HIPK2: variants seen among roughly 807,000 people sequenced by gnomAD.
HIPK2 encodes homeodomain-interacting protein kinase 2.
HIPK2 carries 27 observed loss-of-function variants against 113.7 expected under a neutral mutation model. That is an observed-to-expected ratio of 0.24 (90% CI 0.17 to 0.33). HIPK2 has a LOEUF of 0.33. Among genes scored for constraint, HIPK2 ranks in the 10% least tolerant of loss-of-function variants. HIPK2 has a pLI of 1.00. For synonymous variants in HIPK2, 631 were observed against 642.2 expected (o/e 0.98, Z 0.26); for missense variants, 1,257 against 1,588.0 (o/e 0.79, Z 3.54).
intron 1 of HIPK2, among the ~76,000 whole-genome samples, chr7:139,767,260 A>G: frequency 6.6e-6 from 1 of 152,242 alleles, no homozygotes; most frequent in East Asian, 1.9e-4. Flanking sequence ...TGTTGTAACA[A>G]GCCCTCCAGA....
intron 1 of HIPK2, among the ~76,000 whole-genome samples, chr7:139,733,093 T>A (rs1330199262): frequency 6.6e-6 from 1 of 152,134 alleles, no homozygotes; most frequent in South Asian, 2.1e-4. Context: ...GCTCTGGCCA[T>A]GTGAAAGGCT....
intron 2 of HIPK2, among the ~76,000 whole-genome samples, chr7:139,695,944 A>C (rs1794554382): frequency 6.6e-6 from 1 of 152,192 alleles, no homozygotes; most frequent in African/African-American, 2.4e-5. Context: ...GTGTCCAATA[A>C]ATGTTTCCTG....
intron 1 of HIPK2, among the ~76,000 whole-genome samples, chr7:139,747,953 C>T (rs928460494): frequency 1.3e-5 from 2 of 152,132 alleles, no homozygotes; most frequent in East Asian, 1.9e-4. Flanking sequence ...GAGGGTGGAC[C>T]GAGAGAGACA....
At chr7:139,706,304 C>T (rs960538186) in intron 2 of HIPK2, among the ~76,000 whole-genome samples, 2 of 152,138 alleles carry the variant, frequency 1.3e-5, no homozygotes, top group Non-Finnish European at 2.9e-5. Context: ...CGGAAGCGGG[C>T]GGCCCCTGTG....
intron 12 of HIPK2, 131 bp from the exon 13 acceptor site, chr7:139,584,195 T>C: frequency 8.0e-7 from 1 of 1,247,944 alleles, no homozygotes; most frequent in African/African-American, 1.5e-5. Context: ...TTGCCCTCCC[T>C]AACCCCCATA....
chr7:139,562,121 CATTT>C lies in HIPK2; in HGVS notation c.*10802_*10805del, dbSNP rs1464457321. The C allele has an allele frequency of 6.6e-6, 1 of 152,084 alleles. No homozygotes were observed. The allele number at this position is 152,084 out of a possible 1,614,324, so 9.4% of individuals were successfully genotyped here. ...TTGTCTTTAAAAAAACAAAAGTAGA[CATTT>C]ATAAATAAAAAAGAGGGACAATTCA... On this transcript the variant is annotated 3_prime_UTR_variant, in exon 15 of 15. Transcript: ENST00000406875.
At chr7:139,634,071 A>T (rs1404755367) in intron 2 of HIPK2, among the ~76,000 whole-genome samples, 1 of 151,564 alleles carries the variant, frequency 6.6e-6, no homozygotes, top group African/African-American at 2.4e-5. Flanking sequence ...GATTTGCACC[A>T]TTGCACTCCA....
chr7:139,733,997 G>A (rs1378130869), intron 1 of HIPK2, among the ~76,000 whole-genome samples: 1 of 152,188 alleles, frequency 6.6e-6, no homozygotes, highest in African/African-American at 2.4e-5. Flanking sequence ...TCTGTTGTTT[G>A]TTACTGCTGT....
intron 1 of HIPK2, among the ~76,000 whole-genome samples, chr7:139,736,919 A>C (rs1490802656): frequency 2.0e-5 from 3 of 152,178 alleles, no homozygotes; most frequent in African/African-American, 7.2e-5. Context: ...CAAGCCACAC[A>C]GGCCCAGCGC....
chr7:139,579,856 G>C (rs1023606950), intron 13 of HIPK2, among the ~76,000 whole-genome samples: 8 of 152,084 alleles, frequency 5.3e-5, no homozygotes, highest in African/African-American at 1.9e-4. Context: ...GGAATCCCTC[G>C]AGTAGGTACG....
chr7:139,708,942 G>A (rs59659246), intron 2 of HIPK2, among the ~76,000 whole-genome samples: 2,021 of 152,196 alleles, frequency 0.013, 43 homozygotes, highest in African/African-American at 0.047. Context: ...GTGTGAAGAG[G>A]GGACTGCAGT....
chr7:139,696,544 C>T (rs1222560720), intron 2 of HIPK2, among the ~76,000 whole-genome samples: 1 of 149,862 alleles, frequency 6.7e-6, no homozygotes, highest in African/African-American at 2.5e-5. Flanking sequence ...GAGTGCACCA[C>T]TATACTTTAG....
At chr7:139,736,981 G>A (rs1243542602) in intron 1 of HIPK2, among the ~76,000 whole-genome samples, 1 of 152,194 alleles carries the variant, frequency 6.6e-6, no homozygotes, top group African/African-American at 2.4e-5. Flanking sequence ...TAGAAACTCT[G>A]TTGCCATCTT....
intron 2 of HIPK2, among the ~76,000 whole-genome samples, chr7:139,702,352 A>T (rs1323089795): frequency 3.9e-5 from 6 of 152,172 alleles, no homozygotes; most frequent in African/African-American, 7.2e-5. Flanking sequence ...GGAGACAGGG[A>T]AGCATCCTGG....
intron 1 of HIPK2, among the ~76,000 whole-genome samples, chr7:139,745,058 A>G (rs924635359): frequency 6.6e-6 from 1 of 152,220 alleles, no homozygotes; most frequent in South Asian, 2.1e-4. Flanking sequence ...CATTTTACAG[A>G]AGACAAGCTG....
At chr7:139,661,937 C>A (rs1801880172) in intron 2 of HIPK2, among the ~76,000 whole-genome samples, 2 of 152,334 alleles carry the variant, frequency 1.3e-5, no homozygotes, top group African/African-American at 4.8e-5. Context: ...CTCCCAGAGT[C>A]TTTTAATATT....
At chr7:139,739,628 T>C (rs964752663) in intron 1 of HIPK2, among the ~76,000 whole-genome samples, 5 of 151,838 alleles carry the variant, frequency 3.3e-5, no homozygotes, top group Non-Finnish European at 5.9e-5. Context: ...TGAACACAAT[T>C]GTGTGACCAT....
intron 2 of HIPK2, among the ~76,000 whole-genome samples, chr7:139,688,043 C>A (rs1299523872): frequency 1.3e-5 from 2 of 152,146 alleles, no homozygotes; most frequent in Non-Finnish European, 2.9e-5. Context: ...TTCTTGTCAC[C>A]CCAACTCACA....
intron 1 of HIPK2, among the ~76,000 whole-genome samples, chr7:139,763,489 C>A (rs1256053925): frequency 6.9e-6 from 1 of 144,636 alleles, no homozygotes; most frequent in Non-Finnish European, 1.5e-5. Flanking sequence ...CCCCCACACG[C>A]CCCTCCCACC....
Sources: allele counts gnomAD v4.1 joint callset (sites outside exome capture counted in the v4.1 genomes callset), GRCh38; gene constraint gnomAD v4.1.1; transcripts MANE v1.5; gene names NCBI Gene and HGNC (gene_info 2026-07-23, HGNC 2026-07-21).